Variants in SEL1L3 observed in about 807,000 individuals in gnomAD.
SEL1L3 encodes the protein protein sel-1 homolog 3.
A neutral mutation model predicts 142.8 loss-of-function variants in SEL1L3; 76 were observed. The observed-to-expected ratio is 0.53, with a 90% confidence interval of 0.44 to 0.64. SEL1L3 has a LOEUF of 0.64. Ranked by LOEUF, SEL1L3 falls within the 30% of genes least tolerant of loss-of-function variation. The probability of loss-of-function intolerance (pLI) is 0.00; values close to 1 mark genes in which losing one functional copy is unlikely to be tolerated. For missense variants in SEL1L3, 1,262 were observed against 1,381.7 expected (o/e 0.91, Z 1.37); for synonymous variants, 504 against 519.6 (o/e 0.97, Z 0.41).
intron 11 of SEL1L3, among the ~76,000 whole-genome samples, chr4:25,801,311 G>A (rs146192023): frequency 0.099 from 15,084 of 152,300 alleles, 912 homozygotes; most frequent in South Asian, 0.24. Flanking sequence ...GCTGAGGCAT[G>A]AGAATCGCTT....
intron 1 of SEL1L3, among the ~76,000 whole-genome samples, chr4:25,852,078 C>G (rs1358531145): frequency 6.6e-6 from 1 of 152,032 alleles, no homozygotes; most frequent in Non-Finnish European, 1.5e-5. Context: ...GTTTTATGTT[C>G]TCGTTTATGC....
At position 25,799,257 on chromosome 4, in the gene SEL1L3, T is replaced by C. The variant is rs1713010401; in HGVS notation, c.1956+3026A>G. Among the ~76,000 whole-genome samples the C allele has an allele frequency of 3.9e-5, 6 of 152,192 alleles. No individual in the cohort carries two copies. In the South Asian group the frequency reaches 1.2e-3, roughly 32 times the overall value. On this transcript the variant is annotated intron_variant, in intron 11 of 23. Transcript: ENST00000399878. ...GCCTGGCTAGTTTTTGCATTTTTAG[T>C]AGAGATGGGGTCTCACTATGTTGCC... is the stretch of plus-strand genomic sequence containing the variant.
chr4:25,833,328 A>G, intron 4 of SEL1L3, 120 bp downstream of exon 4: 3 of 965,248 alleles, frequency 3.1e-6, no homozygotes, highest in East Asian at 2.5e-5. Flanking sequence ...TTTGGAAGTC[A>G]TTGCTCTTGC....
At chr4:25,814,223 T>C (rs1714220661) in intron 9 of SEL1L3, among the ~76,000 whole-genome samples, 1 of 152,190 alleles carries the variant, frequency 6.6e-6, no homozygotes, top group Non-Finnish European at 1.5e-5. Context: ...GGGGAAACTA[T>C]GGAAGCTGAT....
chr4:25,818,096 C>A (rs751848271), intron 9 of SEL1L3, 42 bp downstream of exon 9: 2 of 1,589,012 alleles, frequency 1.3e-6, no homozygotes, highest in Admixed American at 1.8e-5. Context: ...AACAAGGAGC[C>A]TTTCTAACCA....
intron 9 of SEL1L3, among the ~76,000 whole-genome samples, chr4:25,806,306 G>C (rs1378001643): frequency 6.6e-6 from 1 of 151,740 alleles, no homozygotes; most frequent in African/African-American, 2.4e-5. Context: ...CAAAGTGCTG[G>C]GATTACAGGC....
the SEL1L3 span, among the ~76,000 whole-genome samples, chr4:25,722,623 G>GATTTTTT: frequency 1.1e-4 from 14 of 125,098 alleles, no homozygotes; most frequent in East Asian, 2.1e-4. Flanking sequence ...TCCAAAGGAG[G>GATTTTTT]CTTTTTTTTT....
intron 1 of SEL1L3, 130 bp downstream of exon 1, chr4:25,862,545 G>T (rs1717795434): frequency 4.5e-6 from 2 of 440,684 alleles, no homozygotes; most frequent in Admixed American, 4.8e-5. Flanking sequence ...CGCCCGGGGC[G>T]CAGCGACGAG....
chr4:25,861,630 C>CTTTT lies in SEL1L3; in HGVS notation c.162+1041_162+1044dup, dbSNP rs143198162. Among the ~76,000 whole-genome samples the CTTTT allele has an allele frequency of 1.8e-3, 242 of 135,444 alleles. 2 individuals carry two copies. The highest frequency in any genetic ancestry group is 6.1e-3 in the African/African-American group (225 of 36,798). 88.9% of individuals were successfully genotyped at this position (135,444 alleles called of 152,430 possible). A position where few individuals can be genotyped will look rare whatever the true frequency, so the allele number is the denominator to read the frequency against. Reference sequence around the variant, plus strand: ...ATGAATTCTGGACAATGACACTGCTCTTTTTTTTTTTTTTTTTGGCATTCT... The same window carrying CTTTT: ...ATGAATTCTGGACAATGACACTGCTCTTTTTTTTTTTTTTTTTTTTTGGCATTCT... On this transcript the variant is annotated intron_variant, in intron 1 of 23. Transcript: ENST00000399878.
chr4:25,796,074 C>T lies in SEL1L3; in HGVS notation c.1957-5500G>A, dbSNP rs367980950. On this transcript the variant is annotated intron_variant, in intron 11 of 23. Coordinates refer to ENST00000399878, the MANE Select transcript of SEL1L3 (RefSeq NM_015187.5). ...GTTATTGTTGCCGTTTTATAAAATC[C>T]ACATCTCTAGAATGAGCAGCTCAGA... 1.2e-4 allele frequency among the ~76,000 whole-genome samples: 19 copies of T among 152,226 alleles called. No individual in the cohort carries two copies. The South Asian group carries it at 3.1e-3, about 25-fold the overall frequency.
intron 20 of SEL1L3, among the ~76,000 whole-genome samples, chr4:25,763,588 C>A (rs1407198581): frequency 1.3e-5 from 2 of 152,170 alleles, no homozygotes; most frequent in Non-Finnish European, 2.9e-5. Flanking sequence ...TGACTCATGC[C>A]TGTAATCCCA....
chr4:25,769,311 G>A lies in SEL1L3; in HGVS notation c.2670-1481C>T, dbSNP rs557641403. Among the ~76,000 whole-genome samples, 7 of 152,272 alleles carry A rather than the reference G, an allele frequency of 4.6e-5. No individual in the cohort carries two copies. The East Asian group carries it at 1.4e-3, about 29-fold the overall frequency. ...ACAAATTAGGATAGTTAGACCTTCA[G>A]TCAGACATGCTGCAGGTCACAGGCC... On this transcript the variant is annotated intron_variant, in intron 17 of 23. Transcript: ENST00000399878.
At position 25,858,035 on chromosome 4, in the gene SEL1L3, C is replaced by T. The variant is rs546974800; in HGVS notation, c.162+4640G>A. Among the ~76,000 whole-genome samples, 6 of 152,390 alleles carry T rather than the reference C, an allele frequency of 3.9e-5. No individual in the cohort carries two copies. The South Asian group carries it at 1.2e-3, about 32-fold the overall frequency. On this transcript the variant is annotated intron_variant, in intron 1 of 23. Coordinates refer to ENST00000399878, the MANE Select transcript of SEL1L3 (RefSeq NM_015187.5). Reference sequence around the variant, plus strand: ...GCCATTCCTCATGGGCCGAACACGCCTCCTGCCCCTCGGCTCCTTTCTCAG... The same window carrying T: ...GCCATTCCTCATGGGCCGAACACGCTTCCTGCCCCTCGGCTCCTTTCTCAG...
intron 16 of SEL1L3, among the ~76,000 whole-genome samples, chr4:25,778,136 C>T (rs1190252588): frequency 6.6e-6 from 1 of 152,012 alleles, no homozygotes; most frequent in Non-Finnish European, 1.5e-5. Flanking sequence ...ACCTCAGGAA[C>T]CTACTATTGG....
the SEL1L3 span, among the ~76,000 whole-genome samples, chr4:25,724,329 A>T: frequency 1.3e-5 from 2 of 152,038 alleles, no homozygotes; most frequent in Non-Finnish European, 2.9e-5. Flanking sequence ...TGAGGTGGAA[A>T]GATTGCTTGA....
chr4:25,718,174 G>A, the SEL1L3 span: 1 of 152,148 alleles, frequency 6.6e-6, no homozygotes, highest in African/African-American at 2.4e-5. Context: ...GTAAAGGAAG[G>A]TTTAATACTG....
intron 13 of SEL1L3, among the ~76,000 whole-genome samples, chr4:25,786,223 C>T (rs769910174): frequency 3.9e-5 from 6 of 152,140 alleles, no homozygotes; most frequent in Non-Finnish European, 7.4e-5. Context: ...CCCAATGCCC[C>T]CACACAGTCA....
chr4:25,855,603 A>G (rs1322783946), intron 1 of SEL1L3, among the ~76,000 whole-genome samples: 1 of 151,924 alleles, frequency 6.6e-6, no homozygotes, highest in Non-Finnish European at 1.5e-5. Context: ...TAAAAATACA[A>G]AAAAAAAGTT....
chr4:25,765,930 T>C (rs1718695715), intron 19 of SEL1L3, among the ~76,000 whole-genome samples: 1 of 152,144 alleles, frequency 6.6e-6, no homozygotes, highest in Admixed American at 6.5e-5. Context: ...TGAGCCACCG[T>C]GCCTGGACTC....
Sources: gnomAD v4.1 joint callset for allele counts (sites outside exome capture counted in the v4.1 genomes callset) on GRCh38, gnomAD v4.1.1 for gene constraint, MANE v1.5 for transcripts, NCBI Gene and HGNC (gene_info 2026-07-23, HGNC 2026-07-21) for gene names.